Variants in LPL observed in about 807,000 individuals in gnomAD.
LPL encodes lipoprotein lipase, also known as phospholipase A1.
Under a neutral mutation model 52.2 loss-of-function variants are expected in LPL, and 43 were observed. That is an observed-to-expected ratio of 0.82 (90% CI 0.64 to 1.06). The LOEUF is 1.06. Among genes scored for constraint, LPL ranks in the 50% least tolerant of loss-of-function variants. LPL has a pLI of 0.00. For missense variants in LPL, 639 were observed against 585.3 expected (o/e 1.09, Z -0.95); for synonymous variants, 244 against 215.6 (o/e 1.13, Z -1.15).
intron 9 of LPL, among the ~76,000 whole-genome samples, chr8:19,964,405 G>A (rs754182792): frequency 2.0e-5 from 3 of 152,104 alleles, no homozygotes; most frequent in South Asian, 2.1e-4. Flanking sequence ...ACGTCCAGTC[G>A]TATTTTTTAT....
Position 19,944,781 on chromosome 8 carries a change from T to C in LPL, c.89-3399T>C, listed in dbSNP as rs1344197407. On this transcript the variant is annotated intron_variant, in intron 1 of 9. Transcript: ENST00000650287. This position sits in a 1 kb window ranked among gnomAD's most constrained non-coding sequence, Gnocchi z 4.2. ...TTGTTTACACACTCAGATTTGTAGTTATTTATTTAGGAATTTAGGAATAAA... is the reference window on the plus strand; with the variant it reads ...TTGTTTACACACTCAGATTTGTAGTCATTTATTTAGGAATTTAGGAATAAA... Among the ~76,000 whole-genome samples the C allele has an allele frequency of 1.3e-5, 2 of 152,232 alleles. No homozygotes were observed. Among genetic ancestry groups the C allele is most frequent in the Non-Finnish European group, 2.9e-5 (2 of 68,034 alleles).
intron 9 of LPL, among the ~76,000 whole-genome samples, chr8:19,965,006 G>A (rs889718209): frequency 1.3e-5 from 2 of 152,162 alleles, no homozygotes; most frequent in African/African-American, 4.8e-5. Context: ...AAATGGAACA[G>A]GCCTTTCGTT....
intron 7 of LPL, among the ~76,000 whole-genome samples, chr8:19,960,156 C>T (rs1401629099): frequency 6.6e-6 from 1 of 152,054 alleles, no homozygotes; most frequent in East Asian, 1.9e-4. Context: ...ACTAGATGAA[C>T]AAATCTTTAA....
intron 7 of LPL, among the ~76,000 whole-genome samples, chr8:19,960,205 C>T (rs539991979): frequency 5.9e-5 from 9 of 152,156 alleles, no homozygotes; most frequent in Non-Finnish European, 1.2e-4. Context: ...GCAGAACATG[C>T]GAACCTACCA....
chr8:19,962,012 G>A (rs889751079), intron 8 of LPL, 103 bp from the exon 9 acceptor site: 1 of 808,910 alleles, frequency 1.2e-6, no homozygotes, highest in Non-Finnish European at 2.2e-6. Flanking sequence ...CAATTACCCA[G>A]CATGATCATG....
At chr8:19,953,814 C>T (rs1237806670) in intron 4 of LPL, among the ~76,000 whole-genome samples, 3 of 152,184 alleles carry the variant, frequency 2.0e-5, no homozygotes, top group Non-Finnish European at 4.4e-5. Flanking sequence ...GTGGCATACA[C>T]ACAGAGAGAA....
intron 9 of LPL, among the ~76,000 whole-genome samples, chr8:19,964,954 A>T (rs1253301915): frequency 6.6e-6 from 1 of 152,194 alleles, no homozygotes; most frequent in Non-Finnish European, 1.5e-5. Context: ...TCTTTCTCAC[A>T]CCTTCTGCTA....
chr8:19,959,472 G>A lies in LPL; in HGVS notation c.1139+92G>A. ...CAGCAGAAGCAGAGAGCGATGCCTA[G>A]AAAACAAGTCTTTAGTTAAAAAAAT... On this transcript the variant is annotated intron_variant, in intron 7 of 9. Transcript: ENST00000650287. 3 of 1,473,446 alleles carry A rather than the reference G, an allele frequency of 2.0e-6. No individual in the cohort carries two copies. The South Asian group carries it at 3.8e-5, about 19-fold the overall frequency. The allele number at this position is 1,473,446 out of a possible 1,614,324, so 91.3% of individuals were successfully genotyped here. A position where few individuals can be genotyped will look rare whatever the true frequency, so the allele number is the denominator to read the frequency against.
Position 19,939,546 on chromosome 8 carries a change from A to G in LPL, c.88+18A>G. ...CGCCGACCGTAAGTTTTGCGCGCAA[A>G]CTCCCCTCCACCTGCAGACCCGGCG... is the stretch of plus-strand genomic sequence containing the variant. On this transcript the variant is annotated intron_variant, in intron 1 of 9. Transcript: ENST00000650287. This position sits in a 1 kb window ranked among gnomAD's most constrained non-coding sequence, Gnocchi z 4.0. 1 of 1,599,390 alleles carries G rather than the reference A, an allele frequency of 6.3e-7. No homozygotes were observed. Among genetic ancestry groups the G allele is most frequent in the South Asian group, 1.1e-5 (1 of 89,348 alleles).
chr8:19,964,586 G>A (rs1459934773), intron 9 of LPL, among the ~76,000 whole-genome samples: 1 of 152,072 alleles, frequency 6.6e-6, no homozygotes, highest in Non-Finnish European at 1.5e-5. Context: ...CTAGAATGTG[G>A]TGGCGTGATC....
In LPL at chr8:19,939,323, C is replaced by G. The variant is rs745563072; in HGVS notation, c.-118C>G. 15 of 947,536 alleles carry G rather than the reference C, an allele frequency of 1.6e-5. No homozygotes were observed. The highest frequency in any genetic ancestry group is 2.4e-5 in the Non-Finnish European group (15 of 613,114). The allele number at this position is 947,536 out of a possible 1,614,324, so 58.7% of individuals were successfully genotyped here. ...CCACTTCTAGCTGCCCTGCCATCCC[C>G]TTTAAAGGGCGACTTGCTCAGCGCC... On this transcript the variant is annotated 5_prime_UTR_variant, in exon 1 of 10. Transcript: ENST00000650287. This position sits in a 1 kb window ranked among gnomAD's most constrained non-coding sequence, Gnocchi z 4.0.
Position 19,950,783 on chromosome 8 carries a change from G to A in LPL, c.250-986G>A, listed in dbSNP as rs1251819202. On this transcript the variant is annotated intron_variant, in intron 2 of 9. Transcript: ENST00000650287. The surrounding 1 kb of genome is among the most constrained non-coding windows in gnomAD (Gnocchi z 4.2). ...CATGCCACTGCACTCCAGCCTGGGC[G>A]AGACAGTAAGACTCTGCCAAAAGAA... 3.3e-5 allele frequency among the ~76,000 whole-genome samples: 5 copies of A among 151,658 alleles called. No individual in the cohort carries two copies. The highest frequency in any genetic ancestry group is 1.9e-4 in the East Asian group (1 of 5,176).
Position 19,953,437 on chromosome 8 carries a change from C to A in LPL, c.541+16C>A. ...AGAATTACTGGTAAGAAAGCAATTT[C>A]GTTGGTCTTATCATAAGAGGTGAAA... On this transcript the variant is annotated intron_variant, in intron 4 of 9. Coordinates refer to ENST00000650287, the MANE Select transcript of LPL (RefSeq NM_000237.3). 6.3e-7 allele frequency: 1 copy of A among 1,581,910 alleles called. No homozygotes were observed. The highest frequency in any genetic ancestry group is 8.7e-7 in the Non-Finnish European group (1 of 1,151,050).
At chr8:19,948,471 G>C in intron 2 of LPL, 131 bp downstream of exon 2, 1 of 1,085,158 alleles carries the variant, frequency 9.2e-7, no homozygotes, top group Non-Finnish European at 1.3e-6. Context: ...CTTGAATAAA[G>C]ACAGTTCTGG....
rs138618627 is a variant in LPL, at chr8:19,956,378, C to A, written c.1018+295C>A. On this transcript the variant is annotated intron_variant, in intron 6 of 9. Transcript: ENST00000650287. ...TAGGCTATCAGCACAGAGCTCAGAG[C>A]TCATTTGGAACCATCCACCTCGGGT... Among the ~76,000 whole-genome samples the A allele has an allele frequency of 2.3e-3, 345 of 152,350 alleles. 1 individual carries two copies. The highest frequency in any genetic ancestry group is 0.01 in the Middle Eastern group (3 of 294).
At chr8:19,952,012 G>A (rs748089824) in intron 3 of LPL, 64 bp downstream of exon 3, 114 of 1,569,970 alleles carry the variant, frequency 7.3e-5, no homozygotes, top group Middle Eastern at 6.8e-4. Flanking sequence ...CCAGAAAACC[G>A]GCTGTTCTTT....
rs138877694 is a variant in LPL at position 19,948,669 on chromosome 8, G to A, written c.249+329G>A. Reference sequence around the variant, plus strand: ...TGGGGAACCGGTGGAACCCTGGCATGATCCCGCATCACCCAGCACATTGCC... The same window carrying A: ...TGGGGAACCGGTGGAACCCTGGCATAATCCCGCATCACCCAGCACATTGCC... On this transcript the variant is annotated intron_variant, in intron 2 of 9. Coordinates refer to ENST00000650287, the MANE Select transcript of LPL (RefSeq NM_000237.3). 3.7e-3 allele frequency among the ~76,000 whole-genome samples: 569 copies of A among 152,248 alleles called. 1 individual carries two copies. The highest frequency in any genetic ancestry group is 0.013 in the African/African-American group (524 of 41,536).
At chr8:19,963,244 T>C (rs984797158) in intron 9 of LPL, among the ~76,000 whole-genome samples, 1 of 152,208 alleles carries the variant, frequency 6.6e-6, no homozygotes, top group South Asian at 2.1e-4. Context: ...GAGACCAGCC[T>C]GGCCAACGTG....
intron 6 of LPL, among the ~76,000 whole-genome samples, chr8:19,958,598 T>C (rs2070008417): frequency 1.3e-5 from 2 of 152,182 alleles, no homozygotes; most frequent in African/African-American, 2.4e-5. Context: ...CCATAGGTTA[T>C]TGGGGGAACA....
Sources: gnomAD v4.1 joint callset for allele counts (sites outside exome capture counted in the v4.1 genomes callset) on GRCh38, gnomAD v4.1.1 for gene constraint, Gnocchi (gnomAD v3.1) non-coding constraint, MANE v1.5 for transcripts, NCBI Gene and HGNC (gene_info 2026-07-23, HGNC 2026-07-21) for gene names.